ATP8B4: variants seen among roughly 807,000 people sequenced by gnomAD.
The protein encoded by ATP8B4 is ATPase phospholipid transporting 8B4 (putative).
Under a neutral mutation model 145.6 loss-of-function variants are expected in ATP8B4, and 133 were observed. The ratio of observed to expected loss-of-function variants is 0.91; its 90% CI spans 0.79 to 1.05. The LOEUF (loss-of-function observed/expected upper bound fraction) is 1.05, where lower values mean the gene tolerates loss of function less well. Ranked by LOEUF, ATP8B4 falls within the 50% of genes least tolerant of loss-of-function variation. ATP8B4 has a pLI of 0.00. For synonymous variants in ATP8B4, 507 were observed against 492.9 expected (o/e 1.03, Z -0.38); for missense variants, 1,458 against 1,425.2 (o/e 1.02, Z -0.37).
chr15:50,051,475 T>G (rs568174159), intron 3 of ATP8B4, among the ~76,000 whole-genome samples: 2 of 152,322 alleles, frequency 1.3e-5, no homozygotes, highest in Admixed American at 1.3e-4. Context: ...AGAGAAGAGT[T>G]TCCAGCTTAG....
intron 3 of ATP8B4, among the ~76,000 whole-genome samples, chr15:50,070,728 G>T (rs8031802): frequency 0.42 from 63,178 of 151,920 alleles, 13,540 homozygotes; most frequent in African/African-American, 0.53. Context: ...GGTTTTTTGT[G>T]TTGTGTTTTG....
intron 1 of ATP8B4, among the ~76,000 whole-genome samples, chr15:50,146,069 G>A (rs2044272727): frequency 6.7e-6 from 1 of 148,348 alleles, no homozygotes; most frequent in Admixed American, 6.8e-5. Context: ...CTGGAGTGCA[G>A]GAGCGCGATC....
chr15:49,931,372 C>T, intron 15 of ATP8B4, 65 bp from the exon 16 acceptor site: 1 of 1,435,886 alleles, frequency 7.0e-7, no homozygotes. Context: ...AGTTCCAATG[C>T]CAACTCCAAC....
chr15:50,127,067 G>T (rs895378490), intron 1 of ATP8B4, among the ~76,000 whole-genome samples: 1 of 152,162 alleles, frequency 6.6e-6, no homozygotes, highest in African/African-American at 2.4e-5. Flanking sequence ...ACCAATCGCA[G>T]ATCGGGAAAT....
At chr15:49,994,907 A>G (rs891474892) in intron 9 of ATP8B4, among the ~76,000 whole-genome samples, 3 of 152,120 alleles carry the variant, frequency 2.0e-5, no homozygotes, top group African/African-American at 4.8e-5. Context: ...CTATAAGAGG[A>G]AGAAGAATTT....
upstream of ATP8B4, among the ~76,000 whole-genome samples, chr15:50,122,448 A>G (rs1213752944): frequency 6.6e-6 from 1 of 152,174 alleles, no homozygotes; most frequent in Non-Finnish European, 1.5e-5. Flanking sequence ...TGTCAATTCA[A>G]TTTAATAACA....
chr15:49,918,876 G>C lies in ATP8B4; in HGVS notation c.1998C>G (p.Ala666=), dbSNP rs1220718501. 1.2e-6 allele frequency: 2 copies of C among 1,613,008 alleles called. No individual in the cohort carries two copies. Among genetic ancestry groups the C allele is most frequent in the Non-Finnish European group, 1.7e-6 (2 of 1,179,336 alleles). Residue 666 remains alanine (A), a synonymous_variant, in exon 19 of 28, where the codon GCC becomes GCG. Coordinates refer to ENST00000284509, the MANE Select transcript of ATP8B4 (RefSeq NM_024837.4). ...VIETVTSLSL[A]NIKIWVLTGD... ...CTGTTAGGACCCAGATCTTAATATT[G>C]GCTAGTGATAAACTTGTAACTGTTT... is the stretch of plus-strand genomic sequence containing the variant.
chr15:49,996,765 A>T lies in ATP8B4; in HGVS notation c.507-6T>A, dbSNP rs1289444273. 4 of 1,605,456 alleles carry T rather than the reference A, an allele frequency of 2.5e-6. No homozygotes were observed. The highest frequency in any genetic ancestry group is 2.6e-6 in the Non-Finnish European group (3 of 1,173,456). ...GGACTTTTAGGTTCGTTTCCCTGTG[A>T]AATTATTGACATGACATGAATTTTT... On this transcript the variant is annotated splice_region_variant and splice_polypyrimidine_tract_variant and intron_variant, in intron 8 of 27. Coordinates refer to ENST00000284509, the MANE Select transcript of ATP8B4 (RefSeq NM_024837.4).
chr15:49,893,905 T>G (rs1280365330), intron 23 of ATP8B4, among the ~76,000 whole-genome samples: 1 of 152,230 alleles, frequency 6.6e-6, no homozygotes, highest in African/African-American at 2.4e-5. Flanking sequence ...GCCTGAAACA[T>G]AGTAAGTACT....
chr15:49,878,535 C>T (rs1026047295), intron 24 of ATP8B4, among the ~76,000 whole-genome samples: 2 of 152,132 alleles, frequency 1.3e-5, no homozygotes, highest in Admixed American at 6.6e-5. Flanking sequence ...TTTTAAAAAA[C>T]AAAAAGTCTT....
rs972024061 is a variant in ATP8B4 at position 49,871,614 on chromosome 15, T to C, written c.3027+4664A>G. On this transcript the variant is annotated intron_variant, in intron 25 of 27. Coordinates refer to ENST00000284509, the MANE Select transcript of ATP8B4 (RefSeq NM_024837.4). ...GGTTAAGACAGACAGAGTTGAAGGATAGGTGGATAACACAACCAAATTATT... is the reference window on the plus strand; with the variant it reads ...GGTTAAGACAGACAGAGTTGAAGGACAGGTGGATAACACAACCAAATTATT... Among the ~76,000 whole-genome samples, 3 of 152,210 alleles carry C rather than the reference T, an allele frequency of 2.0e-5. No homozygotes were observed. The East Asian group carries it at 5.8e-4, about 29-fold the overall frequency.
chr15:50,012,725 C>G (rs1156300935), intron 6 of ATP8B4, among the ~76,000 whole-genome samples: 9 of 152,098 alleles, frequency 5.9e-5, no homozygotes, highest in Admixed American at 5.9e-4. Context: ...GAAAATAACA[C>G]TCTACAAATG....
intron 14 of ATP8B4, among the ~76,000 whole-genome samples, chr15:49,961,348 G>C (rs11070738): frequency 0.43 from 65,039 of 151,988 alleles, 15,901 homozygotes; most frequent in Non-Finnish European, 0.54. Context: ...ACTTGTTTGT[G>C]TCAGGGTAAA....
chr15:50,070,934 G>A (rs2053690695), intron 3 of ATP8B4, among the ~76,000 whole-genome samples: 1 of 151,942 alleles, frequency 6.6e-6, no homozygotes, highest in African/African-American at 2.4e-5. Context: ...GTATAGACAG[G>A]GTTTCACCAT....
intron 14 of ATP8B4, among the ~76,000 whole-genome samples, chr15:49,960,906 G>A (rs1263506003): frequency 6.6e-6 from 1 of 152,208 alleles, no homozygotes; most frequent in East Asian, 1.9e-4. Flanking sequence ...GCTGAGGCGG[G>A]TGGATCACGA....
chr15:50,130,834 C>T (rs988776549), intron 1 of ATP8B4, among the ~76,000 whole-genome samples: 3 of 151,966 alleles, frequency 2.0e-5, no homozygotes, highest in Admixed American at 6.6e-5. Context: ...CTAAGCAACC[C>T]TCCTTAGTCT....
chr15:49,912,163 A>G (rs1382767127), intron 20 of ATP8B4, among the ~76,000 whole-genome samples: 2 of 152,152 alleles, frequency 1.3e-5, no homozygotes, highest in East Asian at 3.8e-4. Context: ...AGTAGAAGGT[A>G]AAAGATAATA....
intron 1 of ATP8B4, among the ~76,000 whole-genome samples, chr15:50,116,195 A>G (rs2057155287): frequency 6.6e-6 from 1 of 152,158 alleles, no homozygotes; most frequent in South Asian, 2.1e-4. Flanking sequence ...AGGCAGATGG[A>G]TTGCTTGAGC....
chr15:50,123,927 T>G (rs1595625047), upstream of ATP8B4, among the ~76,000 whole-genome samples: 1 of 152,094 alleles, frequency 6.6e-6, no homozygotes, highest in East Asian at 1.9e-4. Flanking sequence ...AGGGATGATA[T>G]CAATAAAGAT....
Sources: allele counts gnomAD v4.1 joint callset (sites outside exome capture counted in the v4.1 genomes callset), GRCh38; gene constraint gnomAD v4.1.1; transcripts MANE v1.5; gene names NCBI Gene and HGNC (gene_info 2026-07-23, HGNC 2026-07-21).